DDR1: variants seen among roughly 807,000 people sequenced by gnomAD.
The protein encoded by DDR1 is epithelial discoidin domain-containing receptor 1.
In DDR1, 64 loss-of-function variants were observed where a neutral mutation model predicts 97.4. The observed-to-expected ratio is 0.66, with a 90% CI of 0.54 to 0.81. The LOEUF (loss-of-function observed/expected upper bound fraction) is 0.81, where lower values mean the gene tolerates loss of function less well. Among genes scored for constraint, DDR1 ranks in the 30% least tolerant of loss-of-function variants. The pLI is 0.00. For synonymous variants in DDR1, 458 were observed against 503.7 expected (o/e 0.91, Z 1.21); for missense variants, 990 against 1,259.6 (o/e 0.79, Z 3.24).
intron 16 of DDR1, 76 bp downstream of exon 16, chr6:30,898,383 C>G: frequency 9.5e-7 from 1 of 1,052,984 alleles, no homozygotes; most frequent in East Asian, 2.6e-5. Context: ...GCCCTGGTCT[C>G]CATCAGTCAC....
At position 30,891,340 on chromosome 6, in the gene DDR1, C is replaced by T. The variant is rs2524255; in HGVS notation, c.566-40C>T. ...CCTGATGCAGGGATGGGGGATGGAG[C>T]CTTAGTGCCTCTGACCCCCATCCTC... On this transcript the variant is annotated intron_variant, in intron 5 of 17. Coordinates refer to ENST00000376568, the MANE Select transcript of DDR1 (RefSeq NM_001297654.2). This position sits in a 1 kb window ranked among gnomAD's most constrained non-coding sequence, Gnocchi z 5.3. The T allele has an allele frequency of 6.5e-7, 1 of 1,530,552 alleles. No individual in the cohort carries two copies. The highest frequency in any genetic ancestry group is 9.0e-7 in the Non-Finnish European group (1 of 1,108,394). 94.8% of individuals were successfully genotyped at this position (1,530,552 alleles called of 1,614,324 possible).
rs1785693528 is a variant in DDR1, at chr6:30,886,070, A to C, written c.-43+1360A>C. Reference sequence around the variant, plus strand: ...ATGAGGTGACTGGGGGTGTTGGAGAACAGACAGCCCAGACGTCTCTGTGCT... The same window carrying C: ...ATGAGGTGACTGGGGGTGTTGGAGACCAGACAGCCCAGACGTCTCTGTGCT... On this transcript the variant is annotated intron_variant, in intron 1 of 17. Transcript: ENST00000376568. The surrounding 1 kb of genome is among the most constrained non-coding windows in gnomAD (Gnocchi z 4.6). 1.3e-5 allele frequency among the ~76,000 whole-genome samples: 2 copies of C among 151,966 alleles called. No individual in the cohort carries two copies. Among genetic ancestry groups the C allele is most frequent in the Non-Finnish European group, 2.9e-5 (2 of 67,990 alleles).
rs953686726 is a variant in DDR1 at position 30,892,199 on chromosome 6, C to T, written c.852+11C>T. 1.1e-5 allele frequency: 18 copies of T among 1,613,708 alleles called. No individual in the cohort carries two copies. The highest frequency in any genetic ancestry group is 2.7e-5 in the African/African-American group (2 of 74,916). Reference sequence around the variant, plus strand: ...TTCCAGGCTATGCAGGTGAGTGAGTCCGGCTCTCGAGGAGGGCTCTGAAGC... The same window carrying T: ...TTCCAGGCTATGCAGGTGAGTGAGTTCGGCTCTCGAGGAGGGCTCTGAAGC... On this transcript the variant is annotated intron_variant, in intron 7 of 17. Transcript: ENST00000376568.
rs902867446 is a variant in DDR1, at chr6:30,898,785, C to T, written c.2452-103C>T. ...AGCCTGGCGTCAGGAGGGATCAGGC[C>T]TGAGTGGAGCCCAGAGTGGATCTGG... On this transcript the variant is annotated intron_variant, in intron 16 of 17. Coordinates refer to ENST00000376568, the MANE Select transcript of DDR1 (RefSeq NM_001297654.2). 3.1e-6 allele frequency: 4 copies of T among 1,309,834 alleles called. No homozygotes were observed. In the African/African-American group the frequency reaches 5.9e-5, roughly 19 times the overall value. 81.1% of individuals were successfully genotyped at this position (1,309,834 alleles called of 1,614,324 possible).
intron 16 of DDR1, 131 bp downstream of exon 16, chr6:30,898,438 G>C (rs987900513): frequency 1.4e-6 from 1 of 709,854 alleles, no homozygotes; most frequent in African/African-American, 1.8e-5. Flanking sequence ...TCTATAATAT[G>C]AGGTTCTCCT....
At position 30,897,192 on chromosome 6, in the gene DDR1, T is replaced by G. The variant is rs1418500634; in HGVS notation, c.1997+51T>G. 2 of 1,596,046 alleles carry G rather than the reference T, an allele frequency of 1.3e-6. No individual in the cohort carries two copies. Among genetic ancestry groups the G allele is most frequent in the Admixed American group, 1.7e-5 (1 of 58,408 alleles). On this transcript the variant is annotated intron_variant, in intron 14 of 17. Transcript: ENST00000376568. This position sits in a 1 kb window ranked among gnomAD's most constrained non-coding sequence, Gnocchi z 5.2. Reference sequence around the variant, plus strand: ...AGAAGGGAGGGGAGGCCGTGAAGAGTGGGGAGCCATCTAGAGAGAACAATG... The same window carrying G: ...AGAAGGGAGGGGAGGCCGTGAAGAGGGGGGAGCCATCTAGAGAGAACAATG...
chr6:30,891,448 G>A lies in DDR1; in HGVS notation c.634G>A (p.Asp212Asn), dbSNP rs749656490. The change falls in exon 6 of 18, where the codon GAC becomes AAC. Residue 212 changes from aspartate to asparagine, a missense_variant. Physicochemically the swap from Asp to Asn is conservative, Grantham distance 23 (BLOSUM62 1). Transcript: ENST00000376568. The surrounding 1 kb of genome is among the most constrained non-coding windows in gnomAD (Gnocchi z 5.3). ...TTTATCTGAGGCCGTGTACCTCAAC[G>A]ACTCCACCTATGACGGACATACCGT... ...MYLSEAVYLN[D>N]STYDGHTVGG... The A allele has an allele frequency of 4.3e-6, 7 of 1,612,822 alleles. No individual in the cohort carries two copies. Among genetic ancestry groups the A allele is most frequent in the Non-Finnish European group, 1.7e-6 (2 of 1,179,990 alleles).
At chr6:30,895,069 A>G (rs1230176002) in intron 11 of DDR1, among the ~76,000 whole-genome samples, 3 of 151,942 alleles carry the variant, frequency 2.0e-5, no homozygotes, top group Non-Finnish European at 4.4e-5. Flanking sequence ...CTGTCTTTCT[A>G]TCTATATTCA....
At chr6:30,892,937 C>A in intron 8 of DDR1, 131 bp from the exon 9 acceptor site, 1 of 796,484 alleles carries the variant, frequency 1.3e-6, no homozygotes, top group East Asian at 2.6e-5. Context: ...CCCCCAGCCC[C>A]CACTGGTCAG....
At position 30,896,779 on chromosome 6, in the gene DDR1, G is replaced by A. The variant is rs2150425867; in HGVS notation, c.1783G>A (p.Ala595Thr). Residue 595 changes from alanine to threonine, a missense_variant, in exon 13 of 18, where the codon GCA (alanine) becomes ACA (threonine). Physicochemically the swap from Ala to Thr is moderately conservative, Grantham distance 58 (BLOSUM62 0). Coordinates refer to ENST00000376568, the MANE Select transcript of DDR1 (RefSeq NM_001297654.2). The part of the protein sequence containing the change: ...TYAVPALPPG[A>T]VGDGPPRVDF... The stretch of plus-strand genomic sequence containing the variant: ...TGCTGTGCCTGCACTGCCCCCAGGG[G>A]CAGTCGGGGATGGGCCCCCCAGAGT... 1 of 1,584,820 alleles carries A rather than the reference G, an allele frequency of 6.3e-7. No individual in the cohort carries two copies. Among genetic ancestry groups the A allele is most frequent in the Admixed American group, 1.8e-5 (1 of 56,580 alleles).
At position 30,889,487 on chromosome 6, in the gene DDR1, A is replaced by C; in HGVS notation, c.417+57A>C. ...GTTGGCTCTCCTCACTTCCAGCTGT[A>C]CTTTAAACACCACCTATACGCTGAC... On this transcript the variant is annotated intron_variant, in intron 4 of 17. Coordinates refer to ENST00000376568, the MANE Select transcript of DDR1 (RefSeq NM_001297654.2). The surrounding 1 kb of genome is among the most constrained non-coding windows in gnomAD (Gnocchi z 4.9). The C allele has an allele frequency of 7.9e-7, 1 of 1,267,174 alleles. No individual in the cohort carries two copies. Among genetic ancestry groups the C allele is most frequent in the South Asian group, 1.5e-5 (1 of 65,480 alleles). The allele number at this position is 1,267,174 out of a possible 1,614,324, so 78.5% of individuals were successfully genotyped here.
upstream of DDR1, chr6:30,883,418 G>C (rs1022428513): frequency 2.0e-5 from 3 of 152,752 alleles, no homozygotes; most frequent in African/African-American, 7.2e-5. This position sits in a 1 kb window ranked among gnomAD's most constrained non-coding sequence, Gnocchi z 4.9. Context: ...GTTCTGTCCC[G>C]CTCCATCCTC....
At chr6:30,885,796 G>A (rs893031923) in intron 1 of DDR1, 1 of 1,290,442 alleles carries the variant, frequency 7.7e-7, no homozygotes, top group African/African-American at 1.5e-5. Context: ...TAGCCTCGCT[G>A]TTTACAGCCA....
chr6:30,889,135 G>T lies in DDR1; in HGVS notation c.189-67G>T. 7 of 1,588,766 alleles carry T rather than the reference G, an allele frequency of 4.4e-6. No individual in the cohort carries two copies. The highest frequency in any genetic ancestry group is 6.0e-6 in the Non-Finnish European group (7 of 1,158,868). ...CAGGCTGAGGGGGCAAATGAAGTGGGGTTTAAATACTGGAGATGGAGGCAG... is the reference window on the plus strand; with the variant it reads ...CAGGCTGAGGGGGCAAATGAAGTGGTGTTTAAATACTGGAGATGGAGGCAG... On this transcript the variant is annotated intron_variant, in intron 3 of 17. Coordinates refer to ENST00000376568, the MANE Select transcript of DDR1 (RefSeq NM_001297654.2). The surrounding 1 kb of genome is among the most constrained non-coding windows in gnomAD (Gnocchi z 4.9).
chr6:30,888,509 G>A lies in DDR1; in HGVS notation c.-42-179G>A. ...ATAAAATTATGGATTCTGTTTAAGGGTTTAGGCCAGTGTCTGGCACAGGGG... is the reference window on the plus strand; with the variant it reads ...ATAAAATTATGGATTCTGTTTAAGGATTTAGGCCAGTGTCTGGCACAGGGG... On this transcript the variant is annotated intron_variant, in intron 1 of 17. Coordinates refer to ENST00000376568, the MANE Select transcript of DDR1 (RefSeq NM_001297654.2). The surrounding 1 kb of genome is among the most constrained non-coding windows in gnomAD (Gnocchi z 4.2). 1.5e-6 allele frequency: 1 copy of A among 675,368 alleles called. No individual in the cohort carries two copies. Among genetic ancestry groups the A allele is most frequent in the Non-Finnish European group, 2.5e-6 (1 of 404,332 alleles). 41.8% of individuals were successfully genotyped at this position (675,368 alleles called of 1,614,324 possible). A position where few individuals can be genotyped will look rare whatever the true frequency, so the allele number is the denominator to read the frequency against.
At position 30,899,185 on chromosome 6, in the gene DDR1, G is replaced by A. The variant is rs371228785; in HGVS notation, c.2631G>A (p.Pro877=). The stretch of plus-strand genomic sequence containing the variant: ...ACCTGTCCCGGCCGCCTGCCTGCCC[G>A]CAGGGCCTATATGAGCTGATGCTTC... ...QVYLSRPPAC[P]QGLYELMLRC... Residue 877 remains proline (P), a synonymous_variant, in exon 18 of 18, where the codon CCG becomes CCA. Transcript: ENST00000376568. 1.6e-5 allele frequency: 26 copies of A among 1,614,232 alleles called. No homozygotes were observed. The highest frequency in any genetic ancestry group is 2.7e-5 in the African/African-American group (2 of 75,050).
rs374430964 is a variant in DDR1 at position 30,888,842 on chromosome 6, A to G, written c.85+28A>G. 122 of 1,612,916 alleles carry G rather than the reference A, an allele frequency of 7.6e-5. No homozygotes were observed. The African/African-American group carries it at 1.5e-3, about 19-fold the overall frequency. On this transcript the variant is annotated intron_variant, in intron 2 of 17. Transcript: ENST00000376568. This position sits in a 1 kb window ranked among gnomAD's most constrained non-coding sequence, Gnocchi z 4.2. The stretch of plus-strand genomic sequence containing the variant: ...GAGGAGACTGAATCATGGGTCCCTG[A>G]GGGCCAGGGCTTGGGAGGTAGAGAG...
rs374498140 is a variant in DDR1, at chr6:30,891,144, A to G, written c.565+24A>G. 6.2e-7 allele frequency: 1 copy of G among 1,612,278 alleles called. No individual in the cohort carries two copies. ...GGGTGAGTGGCTCAGCTTCCTGGGAATCTGTTTCCTGAGCAGGGGACTGGA... is the reference window on the plus strand; with the variant it reads ...GGGTGAGTGGCTCAGCTTCCTGGGAGTCTGTTTCCTGAGCAGGGGACTGGA... On this transcript the variant is annotated intron_variant, in intron 5 of 17. Coordinates refer to ENST00000376568, the MANE Select transcript of DDR1 (RefSeq NM_001297654.2). This position sits in a 1 kb window ranked among gnomAD's most constrained non-coding sequence, Gnocchi z 5.3.
At position 30,889,595 on chromosome 6, in the gene DDR1, TTC is replaced by T. The variant is rs1431743644; in HGVS notation, c.417+168_417+169del. 6.6e-6 allele frequency among the ~76,000 whole-genome samples: 1 copy of T among 152,116 alleles called. No individual in the cohort carries two copies. The highest frequency in any genetic ancestry group is 1.5e-5 in the Non-Finnish European group (1 of 68,018). ...TTGTAAACCTGGCCACCTTTTGGAT[TTC>T]TCCACTTAGATGTCTTTTTTTTTTT... is the stretch of plus-strand genomic sequence containing the variant. On this transcript the variant is annotated intron_variant, in intron 4 of 17. Transcript: ENST00000376568. This position sits in a 1 kb window ranked among gnomAD's most constrained non-coding sequence, Gnocchi z 4.9.
Sources: allele counts gnomAD v4.1 joint callset (sites outside exome capture counted in the v4.1 genomes callset), GRCh38; gene constraint gnomAD v4.1.1; non-coding constraint Gnocchi (gnomAD v3.1); transcripts MANE v1.5; gene names NCBI Gene and HGNC (gene_info 2026-07-23, HGNC 2026-07-21).